Variants in MIA2 observed in about 807,000 individuals in gnomAD.
MIA2 encodes the protein MIA SH3 domain ER export factor 2.
MIA2 carries 127 observed loss-of-function variants against 167.8 expected under a neutral mutation model. The ratio of observed to expected loss-of-function variants is 0.76; its 90% CI spans 0.66 to 0.88. The LOEUF is 0.88. MIA2 is among the 40% of genes least tolerant of loss of function. The probability of loss-of-function intolerance (pLI) is 0.00; values close to 1 mark genes in which losing one functional copy is unlikely to be tolerated. For synonymous variants in MIA2, 552 were observed against 541.9 expected (o/e 1.02, Z -0.26); for missense variants, 1,690 against 1,624.7 (o/e 1.04, Z -0.69).
chr14:39,261,893 C>T (rs1001803089), intron 6 of MIA2, among the ~76,000 whole-genome samples: 1 of 152,070 alleles, frequency 6.6e-6, no homozygotes, highest in Non-Finnish European at 1.5e-5. Flanking sequence ...GATATTAGCC[C>T]TTTGTCAGAT....
At chr14:39,355,135 A>C (rs2074488271), downstream of MIA2, among the ~76,000 whole-genome samples, 1 of 150,748 alleles carries the variant, frequency 6.6e-6, no homozygotes, top group Admixed American at 6.6e-5. Context: ...TGAATCTATA[A>C]ATTACCTTGG....
At chr14:39,299,068 T>TTAAAAAAAAA (rs2061958508) in intron 13 of MIA2, among the ~76,000 whole-genome samples, 1 of 44,002 alleles carries the variant, frequency 2.3e-5, no homozygotes, top group African/African-American at 8.3e-5. Context: ...TCCCTGCCTC[T>TTAAAAAAAAA]AAAAAAAAAA....
intron 23 of MIA2, among the ~76,000 whole-genome samples, chr14:39,359,963 T>C (rs796765735): frequency 6.6e-6 from 1 of 151,584 alleles, no homozygotes; most frequent in African/African-American, 2.4e-5. Flanking sequence ...TGTATAAAAG[T>C]TCCTGTTTCT....
At chr14:39,302,708 A>T (rs568148391) in intron 15 of MIA2, among the ~76,000 whole-genome samples, 6 of 152,298 alleles carry the variant, frequency 3.9e-5, no homozygotes, top group African/African-American at 1.4e-4. Context: ...ATTGCCATTG[A>T]TGGTTGTGCT....
At chr14:39,267,119 G>T (rs952457495) in intron 6 of MIA2, 6 of 1,140,488 alleles carry the variant, frequency 5.3e-6, no homozygotes, top group Non-Finnish European at 6.5e-6. Context: ...GTTTGCGGCT[G>T]TCCGCGCCTC....
At position 39,381,379 on chromosome 14, in the gene MIA2, T is replaced by C. The variant is rs192421489; in HGVS notation, c.2249-5506T>C. 3.9e-5 allele frequency among the ~76,000 whole-genome samples: 6 copies of C among 152,328 alleles called. No individual in the cohort carries two copies. In the East Asian group the frequency reaches 1.2e-3, roughly 29 times the overall value. The stretch of plus-strand genomic sequence containing the variant: ...CACATCTTGATAGCAGCTTTTAAGG[T>C]GACTTTCAACCATCAAACTGTTTAA... On this transcript the variant is annotated intron_variant, in intron 23 of 23. Transcript: ENST00000341502.
intron 23 of MIA2, among the ~76,000 whole-genome samples, chr14:39,382,602 C>T (rs976076374): frequency 3.3e-5 from 5 of 152,156 alleles, no homozygotes; most frequent in African/African-American, 1.2e-4. Flanking sequence ...GGGGAATAGT[C>T]AATTATGCAT....
chr14:39,307,225 G>T (rs941636254), intron 17 of MIA2, among the ~76,000 whole-genome samples: 1 of 151,866 alleles, frequency 6.6e-6, no homozygotes, highest in Non-Finnish European at 1.5e-5. Flanking sequence ...CCTGGAAATA[G>T]TTTTACGGGG....
At chr14:39,269,622 T>G (rs549693104) in intron 6 of MIA2, among the ~76,000 whole-genome samples, 27 of 151,910 alleles carry the variant, frequency 1.8e-4, no homozygotes, top group African/African-American at 6.5e-4. Context: ...CTGGCTCAGG[T>G]GATCCTCCCA....
chr14:39,300,963 C>CATATAT (rs2062339744), intron 14 of MIA2, among the ~76,000 whole-genome samples: 1 of 143,192 alleles, frequency 7.0e-6, no homozygotes, highest in African/African-American at 2.6e-5. Context: ...CATACATATA[C>CATATAT]ACATATATAC....
chr14:39,313,325 T>G lies in MIA2; in HGVS notation c.3018-15T>G. The G allele has an allele frequency of 7.4e-7, 1 of 1,352,910 alleles. No individual in the cohort carries two copies. The allele number at this position is 1,352,910 out of a possible 1,614,324, so 83.8% of individuals were successfully genotyped here. A position where few individuals can be genotyped will look rare whatever the true frequency, so the allele number is the denominator to read the frequency against. ...GACATGTATTAAGAGAATTATAACA[T>G]TTTTTGTTTTTAAGGAAATTAACAG... On this transcript the variant is annotated splice_polypyrimidine_tract_variant and intron_variant, in intron 18 of 28. Transcript: ENST00000640607.
At chr14:39,349,123 G>C (rs1207379800) in intron 28 of MIA2, 146 bp downstream of exon 28, 9 of 1,072,184 alleles carry the variant, frequency 8.4e-6, no homozygotes, top group Non-Finnish European at 1.2e-5. Flanking sequence ...TTACTTTTCC[G>C]AATTGGGAAG....
chr14:39,371,393 G>A (rs947630549), intron 23 of MIA2, among the ~76,000 whole-genome samples: 1 of 152,016 alleles, frequency 6.6e-6, no homozygotes, highest in African/African-American at 2.4e-5. Flanking sequence ...ACTTTTTTAG[G>A]GCCAATTTGT....
intron 25 of MIA2, among the ~76,000 whole-genome samples, chr14:39,328,169 C>T (rs368004573): frequency 5.9e-5 from 9 of 152,202 alleles, no homozygotes; most frequent in South Asian, 2.1e-4. Context: ...TTCTGACTGG[C>T]GTGAGATGGT....
chr14:39,370,657 C>G (rs905173524), intron 23 of MIA2: 2 of 296,538 alleles, frequency 6.7e-6, no homozygotes, highest in Admixed American at 3.6e-5. Context: ...GTCTGTCGCA[C>G]GTGCTGCATG....
chr14:39,257,196 C>T (rs1379808313), intron 6 of MIA2, among the ~76,000 whole-genome samples: 1 of 152,116 alleles, frequency 6.6e-6, no homozygotes, highest in Non-Finnish European at 1.5e-5. Context: ...ATCAAAGTCT[C>T]CCAGTATTAT....
intron 24 of MIA2, among the ~76,000 whole-genome samples, chr14:39,324,978 T>A (rs1027001631): frequency 6.6e-6 from 1 of 152,208 alleles, no homozygotes; most frequent in Non-Finnish European, 1.5e-5. Context: ...ATCCTAGTAC[T>A]TTGGGAGGTC....
chr14:39,285,576 CG>C (rs1467783231), intron 9 of MIA2, among the ~76,000 whole-genome samples: 13 of 144,592 alleles, frequency 9.0e-5, no homozygotes, highest in South Asian at 2.2e-4. Flanking sequence ...GCTGACCCCC[CG>C]ACCTCCCTCC....
At chr14:39,370,485 GA>G in intron 23 of MIA2, 2 of 272,982 alleles carry the variant, frequency 7.3e-6, no homozygotes, top group South Asian at 9.3e-5. Flanking sequence ...TGCCCTGTCG[GA>G]GCTTGAGGTC....
Sources: gnomAD v4.1 joint callset for allele counts (sites outside exome capture counted in the v4.1 genomes callset) on GRCh38, gnomAD v4.1.1 for gene constraint, MANE v1.5 for transcripts, NCBI Gene and HGNC (gene_info 2026-07-23, HGNC 2026-07-21) for gene names.